Variants in ASTN2 observed in about 807,000 individuals in gnomAD.
ASTN2 encodes astrotactin 2.
A neutral mutation model predicts 139.8 loss-of-function variants in ASTN2; 54 were observed. The observed-to-expected ratio is 0.39, with a 90% CI of 0.31 to 0.48. The LOEUF is 0.48. Among genes scored for constraint, ASTN2 ranks in the 20% least tolerant of loss-of-function variants. The probability of loss-of-function intolerance (pLI) is 0.95; values close to 1 mark genes in which losing one functional copy is unlikely to be tolerated. For synonymous variants in ASTN2, 756 were observed against 719.5 expected, an observed-to-expected ratio of 1.05 and a Z score of -0.81; for missense variants, 1,565 against 1,725.1, an observed-to-expected ratio of 0.91 and a Z score of 1.64.
At chr9:116,812,964 A>T (rs1022618918) in intron 12 of ASTN2, among the ~76,000 whole-genome samples, 8 of 152,126 alleles carry the variant, frequency 5.3e-5, no homozygotes, top group Non-Finnish European at 8.8e-5. Flanking sequence ...TCCCCCGCCG[A>T]GCCACCTAAG....
chr9:116,839,884 T>TTATTATTATTA (rs1564297197), intron 11 of ASTN2, among the ~76,000 whole-genome samples: 14 of 79,206 alleles, frequency 1.8e-4, no homozygotes, highest in African/African-American at 7.7e-4. Flanking sequence ...TATTATTATT[T>TTATTATTATTA]TTTTTTTTTT....
intron 19 of ASTN2, among the ~76,000 whole-genome samples, chr9:116,544,856 A>G (rs1385256968): frequency 1.3e-5 from 2 of 152,192 alleles, no homozygotes; most frequent in African/African-American, 4.8e-5. Context: ...AAAAGTCATG[A>G]AGCATAAAAA....
chr9:116,962,867 C>A (rs1170538916), intron 10 of ASTN2, among the ~76,000 whole-genome samples: 1 of 152,112 alleles, frequency 6.6e-6, no homozygotes, highest in Non-Finnish European at 1.5e-5. Context: ...TTTGAGATAG[C>A]GTAAAGGTGT....
chr9:117,045,558 A>T (rs1838709779), intron 5 of ASTN2, among the ~76,000 whole-genome samples: 1 of 152,200 alleles, frequency 6.6e-6, no homozygotes, highest in Non-Finnish European at 1.5e-5. Flanking sequence ...GCATTGCTTA[A>T]GAAATTCGAC....
intron 12 of ASTN2, among the ~76,000 whole-genome samples, chr9:116,813,792 T>TG (rs1408464190): frequency 6.6e-6 from 1 of 151,964 alleles, no homozygotes; most frequent in East Asian, 1.9e-4. Flanking sequence ...CCCAGCACTT[T>TG]GGGGGGCTGA....
At chr9:116,940,784 TTCACCCACTAC>T (rs1835203952) in intron 10 of ASTN2, among the ~76,000 whole-genome samples, 1 of 152,138 alleles carries the variant, frequency 6.6e-6, no homozygotes, top group Admixed American at 6.5e-5. Flanking sequence ...GGCCTTCACT[TTCACCCACTAC>T]TCACTCACTG....
intron 4 of ASTN2, among the ~76,000 whole-genome samples, chr9:117,123,582 G>A (rs974175651): frequency 1.8e-4 from 27 of 152,114 alleles, no homozygotes; most frequent in Non-Finnish European, 3.4e-4. Context: ...GACAACACAC[G>A]ATGCTAGTGT....
At chr9:116,876,716 G>A (rs1294188621) in intron 10 of ASTN2, among the ~76,000 whole-genome samples, 1 of 152,170 alleles carries the variant, frequency 6.6e-6, no homozygotes, top group Non-Finnish European at 1.5e-5. Context: ...GCTCACTGAA[G>A]ATTCAGATGA....
At chr9:116,703,431 A>G (rs1445353039) in intron 16 of ASTN2, among the ~76,000 whole-genome samples, 2 of 152,162 alleles carry the variant, frequency 1.3e-5, no homozygotes, top group East Asian at 1.9e-4. Flanking sequence ...TTGTAGGGAC[A>G]TGGATGAAAT....
intron 19 of ASTN2, among the ~76,000 whole-genome samples, chr9:116,488,537 A>C (rs769608088): frequency 2.0e-5 from 3 of 152,254 alleles, no homozygotes; most frequent in African/African-American, 7.2e-5. Context: ...TAAATGTCCA[A>C]CTACATAGAA....
At chr9:116,911,164 C>T (rs1834299472) in intron 10 of ASTN2, among the ~76,000 whole-genome samples, 1 of 152,152 alleles carries the variant, frequency 6.6e-6, no homozygotes, top group African/African-American at 2.4e-5. Flanking sequence ...AGATCCATCC[C>T]ACGAAATAAT....
At chr9:116,741,580 G>C (rs1829097380) in intron 13 of ASTN2, among the ~76,000 whole-genome samples, 1 of 152,212 alleles carries the variant, frequency 6.6e-6, no homozygotes, top group Admixed American at 6.5e-5. Flanking sequence ...TGGGAGACCT[G>C]TGTTCTCATC....
At chr9:116,707,855 T>A (rs900024834) in intron 16 of ASTN2, among the ~76,000 whole-genome samples, 23 of 152,314 alleles carry the variant, frequency 1.5e-4, no homozygotes, top group African/African-American at 5.3e-4. Context: ...CTTAGGGTAG[T>A]TAACTGAGGA....
At chr9:116,668,989 C>T (rs1392299854) in intron 16 of ASTN2, among the ~76,000 whole-genome samples, 1 of 151,876 alleles carries the variant, frequency 6.6e-6, no homozygotes, top group East Asian at 1.9e-4. Flanking sequence ...AATATGTACC[C>T]AACAAAGTGT....
chr9:116,945,064 T>C (rs1835352216), intron 10 of ASTN2, among the ~76,000 whole-genome samples: 1 of 152,168 alleles, frequency 6.6e-6, no homozygotes, highest in Non-Finnish European at 1.5e-5. Context: ...GGTTTATATC[T>C]CAAAATGACT....
chr9:116,830,911 T>C (rs1030505149), intron 11 of ASTN2, among the ~76,000 whole-genome samples: 3 of 151,852 alleles, frequency 2.0e-5, no homozygotes, highest in Non-Finnish European at 4.4e-5. Context: ...TTAACCTGAA[T>C]GTCTATCAAG....
At chr9:117,242,425 G>A (rs1362311175) in intron 2 of ASTN2, among the ~76,000 whole-genome samples, 6 of 152,172 alleles carry the variant, frequency 3.9e-5, no homozygotes, top group East Asian at 1.9e-4. Flanking sequence ...AAGTCGGGAC[G>A]AGTCTGGAAA....
At chr9:116,988,037 T>C (rs897429750) in intron 7 of ASTN2, among the ~76,000 whole-genome samples, 7 of 152,234 alleles carry the variant, frequency 4.6e-5, no homozygotes, top group African/African-American at 1.7e-4. Flanking sequence ...TTACTTCTGG[T>C]ATTTTCCATT....
Position 116,699,671 on chromosome 9 carries a change from C to A in ASTN2, c.2806+26100G>T. ...GTTGGGATCATTGCATCAAGATCTACAGCTACCATCTGAGAAGATATTCCA... is the reference window on the plus strand; with the variant it reads ...GTTGGGATCATTGCATCAAGATCTAAAGCTACCATCTGAGAAGATATTCCA... On this transcript the variant is annotated intron_variant, in intron 16 of 22. Coordinates refer to ENST00000313400, the MANE Select transcript of ASTN2 (RefSeq NM_001365068.1). The surrounding 1 kb of genome is among the most constrained non-coding windows in gnomAD (Gnocchi z 4.2). 6.2e-7 allele frequency: 1 copy of A among 1,614,170 alleles called. No homozygotes were observed. Among genetic ancestry groups the A allele is most frequent in the Non-Finnish European group, 8.5e-7 (1 of 1,180,030 alleles).
Sources: gnomAD v4.1 joint callset for allele counts (sites outside exome capture counted in the v4.1 genomes callset) on GRCh38, gnomAD v4.1.1 for gene constraint, Gnocchi (gnomAD v3.1) non-coding constraint, MANE v1.5 for transcripts, NCBI Gene and HGNC (gene_info 2026-07-23, HGNC 2026-07-21) for gene names.